The following RABGEF1 variants were observed in gnomAD, a reference collection of about 807,000 sequenced individuals.
RABGEF1 encodes the protein rab5 GDP/GTP exchange factor.
Under a neutral mutation model 57.3 loss-of-function variants are expected in RABGEF1, and 26 were observed. The ratio of observed to expected loss-of-function variants is 0.45; its 90% CI spans 0.33 to 0.63. RABGEF1 has a LOEUF of 0.63. Among genes scored for constraint, RABGEF1 ranks in the 20% least tolerant of loss-of-function variants. The probability of loss-of-function intolerance (pLI) is 0.02; values close to 1 mark genes in which losing one functional copy is unlikely to be tolerated. For synonymous variants in RABGEF1, 185 were observed against 210.7 expected, an observed-to-expected ratio of 0.88 and a Z score of 1.06; for missense variants, 464 against 607.6, an observed-to-expected ratio of 0.76 and a Z score of 2.48.
At chr7:66,804,710 C>G (rs1788041112) in intron 7 of RABGEF1, among the ~76,000 whole-genome samples, 1 of 148,776 alleles carries the variant, frequency 6.7e-6, no homozygotes, top group African/African-American at 2.5e-5. Flanking sequence ...ACTCTCCAGC[C>G]TGGGCAACAA....
intron 1 of RABGEF1, among the ~76,000 whole-genome samples, chr7:66,693,608 G>A (rs1382990136): frequency 1.3e-5 from 2 of 152,144 alleles, no homozygotes; most frequent in South Asian, 2.1e-4. Context: ...GAATCCTGGA[G>A]GAGCAAAAGT....
the RABGEF1 span, among the ~76,000 whole-genome samples, chr7:66,661,642 A>G: frequency 6.6e-6 from 1 of 152,194 alleles, no homozygotes; most frequent in African/African-American, 2.4e-5. Context: ...TCCTTTCAAC[A>G]AAGAAATACC....
At chr7:66,739,518 T>A (rs548654907), upstream of RABGEF1, among the ~76,000 whole-genome samples, 127 of 150,812 alleles carry the variant, frequency 8.4e-4, no homozygotes, top group African/African-American at 3.0e-3. Flanking sequence ...AAATATGAGC[T>A]GGGCGTGGTG....
At chr7:66,707,910 T>C (rs532950057) in intron 1 of RABGEF1, among the ~76,000 whole-genome samples, 9 of 152,342 alleles carry the variant, frequency 5.9e-5, no homozygotes, top group Non-Finnish European at 8.8e-5. Context: ...CCAATTTTTT[T>C]CTGACATTAA....
chr7:66,661,298 CAAAAAA>C, the RABGEF1 span, among the ~76,000 whole-genome samples: 7 of 78,030 alleles, frequency 9.0e-5, no homozygotes, highest in African/African-American at 3.3e-4. Flanking sequence ...GACTCCATCT[CAAAAAA>C]AAAAAAAAAA....
chr7:66,654,691 G>A, the RABGEF1 span: 20 of 152,626 alleles, frequency 1.3e-4, no homozygotes, highest in African/African-American at 4.8e-4. Flanking sequence ...GGGCGGCCGG[G>A]CGTCTCGGGC....
intron 2 of RABGEF1, among the ~76,000 whole-genome samples, chr7:66,720,312 C>T (rs1187148776): frequency 6.6e-6 from 1 of 151,082 alleles, no homozygotes; most frequent in Non-Finnish European, 1.5e-5. Flanking sequence ...ATTCTCGTGC[C>T]TCAGCCACCC....
chr7:66,682,123 C>A (rs3800823), upstream of RABGEF1: 64,334 of 167,536 alleles, frequency 0.38, 13,008 homozygotes, highest in Non-Finnish European at 0.46. Flanking sequence ...GGGGGCGGGG[C>A]AAGCAGGGGG....
upstream of RABGEF1, among the ~76,000 whole-genome samples, chr7:66,737,669 C>T (rs954966131): frequency 2.0e-5 from 3 of 152,186 alleles, no homozygotes; most frequent in South Asian, 4.1e-4. Context: ...TCACTTAACA[C>T]TAAAACGTGG....
the RABGEF1 span, among the ~76,000 whole-genome samples, chr7:66,675,302 AG>A: frequency 2.6e-5 from 4 of 152,016 alleles, no homozygotes; most frequent in African/African-American, 9.7e-5. Context: ...TGGTGGCAGG[AG>A]CCTGTCATCC....
At chr7:66,654,821 G>T in the RABGEF1 span, among the ~76,000 whole-genome samples, 16 of 152,228 alleles carry the variant, frequency 1.1e-4, no homozygotes, top group African/African-American at 3.9e-4. Flanking sequence ...CCCAGTTCCA[G>T]GCCGCCCTCG....
At chr7:66,695,326 C>T (rs1263109065) in intron 1 of RABGEF1, among the ~76,000 whole-genome samples, 1 of 151,928 alleles carries the variant, frequency 6.6e-6, no homozygotes, top group Non-Finnish European at 1.5e-5. Context: ...AAAAAAGGAC[C>T]TCGAGAAAGG....
intron 1 of RABGEF1, 79 bp downstream of exon 1, chr7:66,740,871 G>C (rs1798752573): frequency 6.6e-6 from 1 of 152,272 alleles, no homozygotes; most frequent in South Asian, 2.1e-4. Context: ...TCTCGGGCTG[G>C]GGGTGGCAGG....
At chr7:66,654,828 C>T in the RABGEF1 span, among the ~76,000 whole-genome samples, 2 of 152,232 alleles carry the variant, frequency 1.3e-5, no homozygotes, top group Non-Finnish European at 2.9e-5. Context: ...CCAGGCCGCC[C>T]TCGGCTCCCT....
At chr7:66,697,575 A>T (rs1234656218) in intron 1 of RABGEF1, among the ~76,000 whole-genome samples, 1 of 152,036 alleles carries the variant, frequency 6.6e-6, no homozygotes, top group African/African-American at 2.4e-5. Context: ...GGGGACCATG[A>T]TTCATGCCCT....
chr7:66,793,212 G>C (rs1305118875), intron 4 of RABGEF1, among the ~76,000 whole-genome samples: 8 of 152,096 alleles, frequency 5.3e-5, no homozygotes, highest in Admixed American at 1.3e-4. Context: ...TCAGATTTTG[G>C]GGTTTTCCCA....
At chr7:66,740,721 G>GCCGCGGAGCCCAGACCTAC (rs1798705062), upstream of RABGEF1, 1 of 152,574 alleles carries the variant, frequency 6.6e-6, no homozygotes, top group African/African-American at 2.4e-5. Context: ...GCGGGAGCTG[G>GCCGCGGAGCCCAGACCTAC]CCGCGGAGCC....
At chr7:66,689,941 T>C (rs1028810076) in intron 1 of RABGEF1, among the ~76,000 whole-genome samples, 2 of 152,140 alleles carry the variant, frequency 1.3e-5, no homozygotes, top group Non-Finnish European at 2.9e-5. Flanking sequence ...AAAGGAAAAT[T>C]AATGCCAGTT....
At position 66,713,143 on chromosome 7, in the gene RABGEF1, T is replaced by TC. The variant is rs1794966353; in HGVS notation, c.-815+920dup. Among the ~76,000 whole-genome samples the TC allele has an allele frequency of 2.0e-5, 3 of 150,536 alleles. No homozygotes were observed. The South Asian group carries it at 6.3e-4, about 32-fold the overall frequency. On this transcript the variant is annotated intron_variant and NMD_transcript_variant, in intron 2 of 9. Transcript: ENST00000607882. ...GGGATTTTCTTTTTTTCTTTTCTTT[T>TC]CTTTTTTTTTTTTTTTGAGACGTAG...
Sources: gnomAD v4.1 joint callset for allele counts (sites outside exome capture counted in the v4.1 genomes callset) on GRCh38, gnomAD v4.1.1 for gene constraint, MANE v1.5 for transcripts, NCBI Gene and HGNC (gene_info 2026-07-23, HGNC 2026-07-21) for gene names.